Variants in POLG observed in about 807,000 individuals in gnomAD.
POLG encodes DNA polymerase gamma, catalytic subunit, also known as DNA polymerase subunit gamma-1.
Under a neutral mutation model 155.4 loss-of-function variants are expected in POLG, and 110 were observed. The observed-to-expected ratio is 0.71, with a 90% CI of 0.61 to 0.83. POLG has a LOEUF of 0.83. Among genes scored for constraint, POLG ranks in the 40% least tolerant of loss-of-function variants. POLG has a pLI of 0.00. For missense variants in POLG, 1,685 were observed against 1,627.5 expected, an observed-to-expected ratio of 1.04 and a Z score of -0.61; for synonymous variants, 701 against 631.5, an observed-to-expected ratio of 1.11 and a Z score of -1.65.
rs1461660591 is a variant in POLG at position 89,334,801 on chromosome 15, T to G, written c.-288A>C. Reference sequence around the variant, plus strand: ...CCTCCACCCGGCCGGTCCGCTTCGCTGGCAGCCGCAACTTCCCGTCTGCAC... The same window carrying G: ...CCTCCACCCGGCCGGTCCGCTTCGCGGGCAGCCGCAACTTCCCGTCTGCAC... On this transcript the variant is annotated 5_prime_UTR_variant, in exon 1 of 23. Coordinates refer to ENST00000268124, the MANE Select transcript of POLG (RefSeq NM_002693.3). 2 of 152,306 alleles carry G rather than the reference T, an allele frequency of 1.3e-5. No homozygotes were observed. The highest frequency in any genetic ancestry group is 2.9e-5 in the Non-Finnish European group (2 of 68,090). The allele number at this position is 152,306 out of a possible 1,614,324, so 9.4% of individuals were successfully genotyped here. A position where few individuals can be genotyped will look rare whatever the true frequency, so the allele number is the denominator to read the frequency against.
At position 89,317,396 on chromosome 15, in the gene POLG, C is replaced by T. The variant is rs771520663; in HGVS notation, c.3623G>A (p.Arg1208Lys). 18 of 1,614,040 alleles carry T rather than the reference C, an allele frequency of 1.1e-5. No individual in the cohort carries two copies. The highest frequency in any genetic ancestry group is 1.4e-5 in the Non-Finnish European group (17 of 1,180,016). ...CTCACCCTGGGGAATCCCGTATCTC[C>T]TTTCCATCCCAGTTGGGTTGGAAGG... Reference protein sequence around the residue: ...KTPSNPTGMERRYGIPQGEAL... With the variant: ...KTPSNPTGMEKRYGIPQGEAL... Residue 1208 changes from arginine to lysine, a missense_variant, in exon 22 of 23, where the codon AGG (arginine) becomes AAG (lysine). Transcript: ENST00000268124.
At position 89,318,975 on chromosome 15, in the gene POLG, A is replaced by C. The variant is rs1567185468; in HGVS notation, c.3229T>G (p.Cys1077Gly). Residue 1077 changes from cysteine (C) to glycine (G), a missense_variant, in exon 20 of 23, where the codon TGC (cysteine) becomes GGC (glycine). Physicochemically the swap from Cys to Gly is radical, Grantham distance 159. Coordinates refer to ENST00000268124, the MANE Select transcript of POLG (RefSeq NM_002693.3). ...SDIPRTPVLG[C>G]CISRALEPSA... ...GGCTCCAGGGCTCGGCTGATGCAGCAGCCCAGCACCGGGGTACGTGGTATG... is the reference window on the plus strand; with the variant it reads ...GGCTCCAGGGCTCGGCTGATGCAGCCGCCCAGCACCGGGGTACGTGGTATG... The C allele has an allele frequency of 6.2e-6, 10 of 1,614,134 alleles. No individual in the cohort carries two copies. Among genetic ancestry groups the C allele is most frequent in the Non-Finnish European group, 8.5e-6 (10 of 1,180,004 alleles).
rs371743135 is a variant in POLG at position 89,327,072 on chromosome 15, C to G, written c.1434-9G>C. ...AGGGGTCTTCTTTGTACCTACAGAGCCAGTCCACTAGGGCAGGGCTAAGGC... is the reference window on the plus strand; with the variant it reads ...AGGGGTCTTCTTTGTACCTACAGAGGCAGTCCACTAGGGCAGGGCTAAGGC... On this transcript the variant is annotated splice_polypyrimidine_tract_variant and intron_variant, in intron 7 of 22. Transcript: ENST00000268124. The G allele has an allele frequency of 6.2e-7, 1 of 1,614,248 alleles. No homozygotes were observed. The highest frequency in any genetic ancestry group is 8.5e-7 in the Non-Finnish European group (1 of 1,180,030).
Position 89,321,257 on chromosome 15 carries a change from C to G in POLG, c.2602G>C (p.Asp868His). 6.2e-7 allele frequency: 1 copy of G among 1,614,098 alleles called. No individual in the cohort carries two copies. Among genetic ancestry groups the G allele is most frequent in the Non-Finnish European group, 8.5e-7 (1 of 1,179,972 alleles). ...TWLTASNARP[D>H]RVGSELKAMV... ...GCTTTCAACTCACTGCCTACTCGGT[C>G]AGGCTGTGGGAAGAGTGAGATACCC... Residue 868 changes from aspartate to histidine, a missense_variant, in exon 17 of 23, where the codon GAC (aspartate) becomes CAC (histidine). Asp to His is a moderately conservative substitution (Grantham distance 81, BLOSUM62 -1). Around this residue, in one of 3 missense-constraint regions of POLG, gnomAD observed 1,210 missense variants for 1,167.1 expected, o/e 1.04. Transcript: ENST00000268124.
chr15:89,323,626 C>T (rs1426417477), intron 12 of POLG, 115 bp from the exon 13 acceptor site: 2 of 822,122 alleles, frequency 2.4e-6, no homozygotes, highest in Non-Finnish European at 4.2e-6. Context: ...TGGGAAATGA[C>T]AAGATGGCCA....
At chr15:89,333,951 T>A (rs781633697) in intron 1 of POLG, 38 bp from the exon 2 acceptor site, 5 of 629,970 alleles carry the variant, frequency 7.9e-6, no homozygotes, top group Non-Finnish European at 1.4e-5. Flanking sequence ...TATTTTACCA[T>A]ATATGTAATA....
Position 89,316,662 on chromosome 15 carries a change from G to T in POLG, c.*89C>A. 1 of 1,262,512 alleles carries T rather than the reference G, an allele frequency of 7.9e-7. No individual in the cohort carries two copies. The highest frequency in any genetic ancestry group is 1.2e-6 in the Non-Finnish European group (1 of 863,828). The allele number at this position is 1,262,512 out of a possible 1,614,324, so 78.2% of individuals were successfully genotyped here. A position where few individuals can be genotyped will look rare whatever the true frequency, so the allele number is the denominator to read the frequency against. On this transcript the variant is annotated 3_prime_UTR_variant, in exon 23 of 23. Coordinates refer to ENST00000268124, the MANE Select transcript of POLG (RefSeq NM_002693.3). ...TGGCTGGCCTTAGGCAAGCCCTTTT[G>T]CAAAAAGCACAGCTGAAAGCCTGAG...
chr15:89,316,585 A>G lies in POLG; in HGVS notation c.*166T>C, dbSNP rs1405923961. Reference sequence around the variant, plus strand: ...CTTGGTTCTGAACCCACTGAATTCAACTGCACCTTCAGTTAGAAGGAATCT... The same window carrying G: ...CTTGGTTCTGAACCCACTGAATTCAGCTGCACCTTCAGTTAGAAGGAATCT... On this transcript the variant is annotated 3_prime_UTR_variant, in exon 23 of 23. Transcript: ENST00000268124. 5.3e-6 allele frequency: 6 copies of G among 1,124,364 alleles called. No individual in the cohort carries two copies. The highest frequency in any genetic ancestry group is 8.0e-6 in the Non-Finnish European group (6 of 754,258). 69.6% of individuals were successfully genotyped at this position (1,124,364 alleles called of 1,614,324 possible). A position where few individuals can be genotyped will look rare whatever the true frequency, so the allele number is the denominator to read the frequency against.
chr15:89,318,364 G>C (rs1567184864), intron 21 of POLG, among the ~76,000 whole-genome samples, 177 bp downstream of exon 21: 1 of 152,044 alleles, frequency 6.6e-6, no homozygotes, highest in Non-Finnish European at 1.5e-5. Flanking sequence ...TACGAATTGA[G>C]GCTAGTCTTT....
chr15:89,321,710 G>T, intron 16 of POLG, 26 bp downstream of exon 16: 1 of 1,514,634 alleles, frequency 6.6e-7, no homozygotes. Context: ...GGAAGAGCAG[G>T]GGCCAGAGGT....
intron 9 of POLG, 60 bp from the exon 10 acceptor site, chr15:89,325,746 G>A: frequency 2.3e-6 from 3 of 1,310,310 alleles, no homozygotes; most frequent in Non-Finnish European, 3.3e-6. Flanking sequence ...TGGGGGGAAG[G>A]TTCTCTCTCT....
chr15:89,317,407 A>T lies in POLG; in HGVS notation c.3612T>A (p.Thr1204=), dbSNP rs1300892439. Reference sequence around the variant, plus strand: ...GAATCCCGTATCTCCTTTCCATCCCAGTTGGGTTGGAAGGGGTTTTACAAT... The same window carrying T: ...GAATCCCGTATCTCCTTTCCATCCCTGTTGGGTTGGAAGGGGTTTTACAAT... ...TMDCKTPSNP[T]GMERRYGIPQ... Residue 1204 remains threonine, a synonymous_variant, in exon 22 of 23, where the codon ACT becomes ACA. Transcript: ENST00000268124. The T allele has an allele frequency of 9.3e-6, 15 of 1,613,922 alleles. No homozygotes were observed. The highest frequency in any genetic ancestry group is 1.3e-5 in the African/African-American group (1 of 74,866).
chr15:89,319,428 A>AT, intron 18 of POLG, 78 bp from the exon 19 acceptor site: 2 of 1,580,864 alleles, frequency 1.3e-6, no homozygotes, highest in Non-Finnish European at 1.7e-6. Context: ...GAATGTTCAC[A>AT]TATCACTTCA....
rs2055354249 is a variant in POLG, at chr15:89,319,063, C to T, written c.3141G>A (p.Arg1047=). The change falls in exon 20 of 23, where the codon CGG becomes CGA. Residue 1047 remains arginine, a synonymous_variant. Coordinates refer to ENST00000268124, the MANE Select transcript of POLG (RefSeq NM_002693.3). Reference sequence around the variant, plus strand: ...CTGACTCTGTGCCCCCCTTCCATGCCCGTTCAGCAACCACCTCCCACTTCT... The same window carrying T: ...CTGACTCTGTGCCCCCCTTCCATGCTCGTTCAGCAACCACCTCCCACTTCT... ...QWKKWEVVAE[R]AWKGGTESEM... 1 of 1,614,022 alleles carries T rather than the reference C, an allele frequency of 6.2e-7. No individual in the cohort carries two copies.
rs71824331 is a variant in POLG, at chr15:89,325,037, A to AGAGTGAGTGAGTGAGTGAGTGAGT, written c.1949+412_1949+413insACTCACTCACTCACTCACTCACTC. ...CATGGAAGAAAAAACCTGAACCCAG[A>AGAGTGAGTGAGTGAGTGAGTGAGT]GAGTGAGTGAGTGAGTGAGAGAGTG... On this transcript the variant is annotated intron_variant, in intron 10 of 22. Coordinates refer to ENST00000268124, the MANE Select transcript of POLG (RefSeq NM_002693.3). 1.3e-4 allele frequency among the ~76,000 whole-genome samples: 9 copies of AGAGTGAGTGAGTGAGTGAGTGAGT among 70,868 alleles called. 1 individual carries two copies. Among genetic ancestry groups the AGAGTGAGTGAGTGAGTGAGTGAGT allele is most frequent in the African/African-American group, 5.0e-4 (9 of 18,070 alleles). 46.5% of individuals were successfully genotyped at this position (70,868 alleles called of 152,430 possible). A position where few individuals can be genotyped will look rare whatever the true frequency, so the allele number is the denominator to read the frequency against.
intron 21 of POLG, chr15:89,317,764 T>A: frequency 3.5e-6 from 2 of 566,230 alleles, no homozygotes; most frequent in Non-Finnish European, 6.3e-6. Context: ...ACATACTTTT[T>A]TTTTTTTTCC....
intron 12 of POLG, 99 bp downstream of exon 12, chr15:89,323,716 A>T: frequency 9.4e-7 from 1 of 1,065,404 alleles, no homozygotes; most frequent in Non-Finnish European, 1.5e-6. Flanking sequence ...CAACCCCCTT[A>T]AGACCTAGGG....
intron 1 of POLG, 115 bp from the exon 2 acceptor site, chr15:89,334,028 T>C (rs1044282910): frequency 2.8e-5 from 15 of 526,534 alleles, no homozygotes; most frequent in South Asian, 1.1e-4. Context: ...GGCGCTTCAG[T>C]TGCATTTTCC....
rs371334941 is a variant in POLG, at chr15:89,325,636, C to T, written c.1763G>A (p.Gly588Asp). Residue 588 changes from glycine to aspartate, a missense_variant, in exon 10 of 23, where the codon GGC becomes GAC. By Grantham distance (94) the Gly-to-Asp change is moderately conservative. Coordinates refer to ENST00000268124, the MANE Select transcript of POLG (RefSeq NM_002693.3). Reference sequence around the variant, plus strand: ...CATCTGCAGGCTGAGGAGGCTGGGGCCCGGGGTCCATGCAGGGTCGTCTAG... The same window carrying T: ...CATCTGCAGGCTGAGGAGGCTGGGGTCCGGGGTCCATGCAGGGTCGTCTAG... ...PRLDDPAWTP[G>D]PSLLSLQMRV... is the part of the protein sequence containing the mutation. 3 of 1,612,770 alleles carry T rather than the reference C, an allele frequency of 1.9e-6. No homozygotes were observed. The highest frequency in any genetic ancestry group is 2.5e-6 in the Non-Finnish European group (3 of 1,180,010).
Sources: gnomAD v4.1 joint callset for allele counts (sites outside exome capture counted in the v4.1 genomes callset) on GRCh38, gnomAD v4.1.1 for gene constraint, gnomAD v4.1.1 regional missense constraint, MANE v1.5 for transcripts, NCBI Gene and HGNC (gene_info 2026-07-23, HGNC 2026-07-21) for gene names.